Variants in ZBTB20 observed in about 807,000 individuals in gnomAD.
ZBTB20 encodes the protein zinc finger and BTB domain containing 20.
Under a neutral mutation model 56.9 loss-of-function variants are expected in ZBTB20, and 9 were observed. The observed-to-expected ratio is 0.16, with a 90% CI of 0.10 to 0.28. The LOEUF is 0.28. ZBTB20 is among the 10% of genes least tolerant of loss of function. ZBTB20 has a pLI of 1.00. For synonymous variants in ZBTB20, 417 were observed against 420.7 expected (o/e 0.99, Z 0.11); for missense variants, 655 against 1,003.0 (o/e 0.65, Z 4.69).
chr3:114,631,024 T>A (rs2058907881), intron 6 of ZBTB20, among the ~76,000 whole-genome samples: 1 of 152,182 alleles, frequency 6.6e-6, no homozygotes, highest in Non-Finnish European at 1.5e-5. Context: ...AGTAGATAAA[T>A]ACCTATAATA....
intron 6 of ZBTB20, among the ~76,000 whole-genome samples, chr3:114,675,939 A>G (rs2061601092): frequency 7.4e-6 from 1 of 135,808 alleles, no homozygotes; most frequent in South Asian, 2.7e-4. Context: ...TTGTAATCAC[A>G]TGTATTAACT....
rs543230733 is a variant in ZBTB20, at chr3:114,577,775, T to C, written c.-294-77384A>G. ...GACCTGAGAGCTGGAAGAATAAAGA[T>C]ACAGCATTATGATAAAATATTCATA... On this transcript the variant is annotated intron_variant, in intron 6 of 11. Transcript: ENST00000675478. 2.0e-5 allele frequency among the ~76,000 whole-genome samples: 3 copies of C among 152,286 alleles called. No homozygotes were observed. In the South Asian group the frequency reaches 6.2e-4, roughly 32 times the overall value.
intron 4 of ZBTB20, among the ~76,000 whole-genome samples, chr3:114,832,756 C>A (rs1345798509): frequency 1.3e-5 from 2 of 151,988 alleles, no homozygotes; most frequent in East Asian, 1.9e-4. Context: ...ATTGAGTGAA[C>A]CTGGCTTCTC....
chr3:114,629,257 A>G (rs538520333), intron 6 of ZBTB20, among the ~76,000 whole-genome samples: 2 of 152,298 alleles, frequency 1.3e-5, no homozygotes, highest in East Asian at 3.9e-4. Context: ...ATCCACTTCT[A>G]TTAATTAATA....
chr3:114,657,253 A>G (rs762221563), intron 6 of ZBTB20, among the ~76,000 whole-genome samples: 1 of 152,180 alleles, frequency 6.6e-6, no homozygotes, highest in African/African-American at 2.4e-5. Context: ...GAAACTTTCA[A>G]TGCTTCAGGT....
At chr3:115,062,246 C>T (rs1224579500) in intron 2 of ZBTB20, among the ~76,000 whole-genome samples, 1 of 152,200 alleles carries the variant, frequency 6.6e-6, no homozygotes, top group Non-Finnish European at 1.5e-5. Context: ...TAAGCAGCTG[C>T]AATAACAGGG....
At position 114,331,648 on chromosome 3, in the gene ZBTB20, T is replaced by G. The variant is rs1420895502; in HGVS notation, c.*7357A>C. On this transcript the variant is annotated 3_prime_UTR_variant, in exon 12 of 12. Coordinates refer to ENST00000675478, the MANE Select transcript of ZBTB20 (RefSeq NM_001348800.3). ...TTTGTTAAATGCACTCTACTCCACA[T>G]AAGCATATTCAAGTTTCTCATGAAA... is the stretch of plus-strand genomic sequence containing the variant. 6.6e-6 allele frequency: 1 copy of G among 152,220 alleles called. No homozygotes were observed. The highest frequency in any genetic ancestry group is 1.5e-5 in the Non-Finnish European group (1 of 68,038). 9.4% of individuals were successfully genotyped at this position (152,220 alleles called of 1,614,324 possible). A position where few individuals can be genotyped will look rare whatever the true frequency, so the allele number is the denominator to read the frequency against.
At chr3:114,872,131 T>C (rs978112470) in intron 4 of ZBTB20, among the ~76,000 whole-genome samples, 1 of 152,134 alleles carries the variant, frequency 6.6e-6, no homozygotes, top group African/African-American at 2.4e-5. Context: ...CATCTCCACT[T>C]TCCTACTAAC....
rs541336304 is a variant in ZBTB20 at position 114,504,291 on chromosome 3, T to A, written c.-294-3900A>T. 2.0e-5 allele frequency among the ~76,000 whole-genome samples: 3 copies of A among 152,244 alleles called. No individual in the cohort carries two copies. The East Asian group carries it at 5.8e-4, about 29-fold the overall frequency. ...AGAGGAGTACCGAGCAGAGAGATGA[T>A]AATGATATAAGAATCACTATCTACT... On this transcript the variant is annotated intron_variant, in intron 6 of 11. Coordinates refer to ENST00000675478, the MANE Select transcript of ZBTB20 (RefSeq NM_001348800.3).
chr3:114,374,377 T>A (rs1407008760), intron 10 of ZBTB20, among the ~76,000 whole-genome samples: 3 of 152,248 alleles, frequency 2.0e-5, no homozygotes, highest in South Asian at 4.1e-4. Flanking sequence ...GCTTAACTGA[T>A]ACGGAATTTA....
chr3:114,915,210 T>G (rs978457290), intron 3 of ZBTB20, among the ~76,000 whole-genome samples: 1 of 151,950 alleles, frequency 6.6e-6, no homozygotes, highest in Admixed American at 6.6e-5. Flanking sequence ...CAGGGTTTCC[T>G]TTGCTGAAGG....
intron 4 of ZBTB20, among the ~76,000 whole-genome samples, chr3:114,824,706 A>G (rs533860724): frequency 6.6e-6 from 1 of 152,032 alleles, no homozygotes; most frequent in East Asian, 1.9e-4. Context: ...ATGAGTCCCA[A>G]TTTATACCAC....
intron 5 of ZBTB20, among the ~76,000 whole-genome samples, chr3:114,713,636 C>T (rs2064250688): frequency 1.3e-5 from 2 of 152,152 alleles, no homozygotes; most frequent in Non-Finnish European, 2.9e-5. Context: ...GTCTGAAAAA[C>T]ACTGCATTTT....
At chr3:114,732,236 C>T (rs1296341333) in intron 5 of ZBTB20, among the ~76,000 whole-genome samples, 2 of 152,110 alleles carry the variant, frequency 1.3e-5, no homozygotes, top group Non-Finnish European at 2.9e-5. Flanking sequence ...TTCTCTTCTC[C>T]TCAAACATGG....
In ZBTB20 at chr3:114,319,923, A is replaced by G. The variant is rs2078833879; in HGVS notation, c.*19082T>C. Reference sequence around the variant, plus strand: ...TTTCTCAAAAGGGAGCTCAAGCATAAGTTAAAAGGTGATGTGGAAATCCAG... The same window carrying G: ...TTTCTCAAAAGGGAGCTCAAGCATAGGTTAAAAGGTGATGTGGAAATCCAG... On this transcript the variant is annotated 3_prime_UTR_variant, in exon 12 of 12. Coordinates refer to ENST00000675478, the MANE Select transcript of ZBTB20 (RefSeq NM_001348800.3). 2 of 152,154 alleles carry G rather than the reference A, an allele frequency of 1.3e-5. No individual in the cohort carries two copies. The highest frequency in any genetic ancestry group is 2.9e-5 in the Non-Finnish European group (2 of 68,034). 9.4% of individuals were successfully genotyped at this position (152,154 alleles called of 1,614,324 possible).
Position 114,978,478 on chromosome 3 carries a change from T to C in ZBTB20, c.-506-4062A>G, listed in dbSNP as rs1035604921. Among the ~76,000 whole-genome samples the C allele has an allele frequency of 3.8e-4, 57 of 151,570 alleles. 1 individual carries two copies. Among genetic ancestry groups the C allele is most frequent in the African/African-American group, 1.4e-3 (57 of 41,398 alleles). ...TAGATAAATTATATGTAATAGGATA[T>C]TAAGTGTTCATTAGACATGGCAAGT... On this transcript the variant is annotated intron_variant, in intron 2 of 11. Coordinates refer to ENST00000675478, the MANE Select transcript of ZBTB20 (RefSeq NM_001348800.3).
intron 4 of ZBTB20, among the ~76,000 whole-genome samples, chr3:114,886,452 C>A (rs576878120): frequency 1.3e-5 from 2 of 152,306 alleles, no homozygotes; most frequent in South Asian, 2.1e-4. Flanking sequence ...CCATCTACGA[C>A]ACTAAATTTC....
At chr3:115,031,414 G>C (rs941907392) in intron 2 of ZBTB20, among the ~76,000 whole-genome samples, 2 of 151,372 alleles carry the variant, frequency 1.3e-5, no homozygotes, top group Non-Finnish European at 3.0e-5. Flanking sequence ...TCTATATATA[G>C]CTTAGTATAT....
intron 1 of ZBTB20, chr3:115,103,181 T>G (rs2083630515): frequency 6.6e-6 from 1 of 152,128 alleles, no homozygotes; most frequent in Non-Finnish European, 1.5e-5. Flanking sequence ...AGTTATAAAG[T>G]TATTTAATTA....
Sources: allele counts gnomAD v4.1 joint callset (sites outside exome capture counted in the v4.1 genomes callset), GRCh38; gene constraint gnomAD v4.1.1; transcripts MANE v1.5; gene names NCBI Gene and HGNC (gene_info 2026-07-23, HGNC 2026-07-21).